CNTNAP3: variants seen among roughly 807,000 people sequenced by gnomAD.
The protein encoded by CNTNAP3 is contactin-associated protein-like 3.
CNTNAP3 carries 36 observed loss-of-function variants against 92.1 expected under a neutral mutation model. The ratio of observed to expected loss-of-function variants is 0.39; its 90% CI spans 0.30 to 0.52. The LOEUF (loss-of-function observed/expected upper bound fraction) is 0.52, where lower values mean the gene tolerates loss of function less well. CNTNAP3 is among the 20% of genes least tolerant of loss of function. CNTNAP3 has a pLI of 0.76. For missense variants in CNTNAP3, 534 were observed against 1,069.6 expected, an observed-to-expected ratio of 0.50 and a Z score of 6.98; for synonymous variants, 232 against 422.3, an observed-to-expected ratio of 0.55 and a Z score of 5.53.
chr9:39,095,204 A>C (rs893934189), intron 18 of CNTNAP3, among the ~76,000 whole-genome samples: 1 of 151,632 alleles, frequency 6.6e-6, no homozygotes, highest in Admixed American at 6.6e-5. Flanking sequence ...AACTTCGCTG[A>C]ATTTATTTAT....
In CNTNAP3 at chr9:39,087,860, T is replaced by A. The variant is rs140959206; in HGVS notation, c.3220+563A>T. On this transcript the variant is annotated intron_variant, in intron 19 of 23. Coordinates refer to ENST00000297668, the MANE Select transcript of CNTNAP3 (RefSeq NM_033655.5). ...TGTACCTAACAGACTTAAAGCTTGG[T>A]CTTCTTGTTCAACTGTAAAAACCTT... Among the ~76,000 whole-genome samples, 874 of 152,266 alleles carry A rather than the reference T, an allele frequency of 5.7e-3. 13 individuals are homozygous for A. The highest frequency in any genetic ancestry group is 0.02 in the African/African-American group (831 of 41,548).
chr9:39,141,331 G>T (rs1023625202), intron 11 of CNTNAP3, among the ~76,000 whole-genome samples: 2 of 152,110 alleles, frequency 1.3e-5, no homozygotes, highest in African/African-American at 4.8e-5. Flanking sequence ...CTATGCGGCA[G>T]TTATACCCTT....
chr9:39,087,024 T>A (rs1282587495), intron 19 of CNTNAP3, among the ~76,000 whole-genome samples, 175 bp from the exon 20 acceptor site: 1 of 152,056 alleles, frequency 6.6e-6, no homozygotes, highest in East Asian at 1.9e-4. Flanking sequence ...TTAAGTGCTA[T>A]TCCTGTGCCA....
Position 39,086,824 on chromosome 9 carries a change from T to C in CNTNAP3, c.3246A>G (p.Leu1082=). The change falls in exon 20 of 24, where the codon CTA becomes CTG. Residue 1082 remains leucine, a synonymous_variant. Coordinates refer to ENST00000297668, the MANE Select transcript of CNTNAP3 (RefSeq NM_033655.5). ...ATGCATCAGGATTTTGATGTCTATC[T>C]AGCTTGTACCTAATCTGCAAACTTC... ...NNGSLQIRYK[L]DRHQNPDAFT... 6.2e-7 allele frequency: 1 copy of C among 1,608,212 alleles called. No homozygotes were observed. The highest frequency in any genetic ancestry group is 1.1e-5 in the South Asian group (1 of 90,100).
intron 9 of CNTNAP3, chr9:39,159,101 C>G (rs1822019292): frequency 6.7e-6 from 1 of 148,688 alleles, no homozygotes; most frequent in Non-Finnish European, 1.5e-5. Context: ...TGCTGCGTAT[C>G]TGTTTCAAAT....
intron 18 of CNTNAP3, among the ~76,000 whole-genome samples, chr9:39,090,727 G>C (rs548250724): frequency 3.3e-5 from 5 of 152,370 alleles, no homozygotes; most frequent in African/African-American, 1.2e-4. Context: ...TCAATTTCAG[G>C]AAAGAAGCCA....
intron 11 of CNTNAP3, 99 bp from the exon 12 acceptor site, chr9:39,140,737 A>C (rs1331717778): frequency 1.4e-6 from 2 of 1,457,916 alleles, no homozygotes; most frequent in Non-Finnish European, 1.8e-6. Flanking sequence ...CATGTGATAC[A>C]TATGACCCAA....
At chr9:39,114,228 G>A (rs1237433417) in intron 14 of CNTNAP3, among the ~76,000 whole-genome samples, 6 of 151,510 alleles carry the variant, frequency 4.0e-5, no homozygotes, top group Admixed American at 1.3e-4. Flanking sequence ...GACTACAGGC[G>A]CCCACCACCA....
chr9:39,118,091 T>C lies in CNTNAP3; in HGVS notation c.2237+12A>G, dbSNP rs769741752. ...ACCACATTTTTGTGCAGGGAAATCATGTGGAAATCACCATTCATTCCGGCC... is the reference window on the plus strand; with the variant it reads ...ACCACATTTTTGTGCAGGGAAATCACGTGGAAATCACCATTCATTCCGGCC... On this transcript the variant is annotated intron_variant, in intron 14 of 23. Transcript: ENST00000297668. The C allele has an allele frequency of 6.3e-6, 10 of 1,599,392 alleles. No homozygotes were observed. In the Middle Eastern group the frequency reaches 6.8e-4, roughly 109 times the overall value.
rs1372814381 is a variant in CNTNAP3 at position 39,069,058 on chromosome 9, ATC to A, written c.*4830_*4831del. ...TATGTATATAACACACATGAATCAT[ATC>A]CTAAAGATTTGGAACAAGAAGTAAA... On this transcript the variant is annotated 3_prime_UTR_variant, in exon 24 of 24. Transcript: ENST00000297668. Among the ~76,000 whole-genome samples, 2 of 152,290 alleles carry A rather than the reference ATC, an allele frequency of 1.3e-5. No individual in the cohort carries two copies. The highest frequency in any genetic ancestry group is 2.9e-5 in the Non-Finnish European group (2 of 68,054).
intron 15 of CNTNAP3, among the ~76,000 whole-genome samples, chr9:39,108,687 A>G (rs968583137): frequency 2.0e-5 from 3 of 152,144 alleles, no homozygotes; most frequent in Non-Finnish European, 4.4e-5. Context: ...GGACTTGACC[A>G]TGAAAGCCAC....
intron 21 of CNTNAP3, chr9:39,084,862 T>C (rs1023398362): frequency 8.6e-5 from 13 of 151,670 alleles, no homozygotes; most frequent in African/African-American, 2.9e-4. Context: ...CTAAGATCAA[T>C]TGCTTCTGAG....
chr9:39,209,624 CCA>C (rs1822596158), intron 3 of CNTNAP3, among the ~76,000 whole-genome samples: 1 of 88,452 alleles, frequency 1.1e-5, no homozygotes, highest in Non-Finnish European at 2.3e-5. Context: ...CCTCCCTCCC[CCA>C]CTCCCCTCTC....
At position 39,071,611 on chromosome 9, in the gene CNTNAP3, T is replaced by G. The variant is rs1426377602; in HGVS notation, c.*2279A>C. Among the ~76,000 whole-genome samples, 3 of 152,102 alleles carry G rather than the reference T, an allele frequency of 2.0e-5. No individual in the cohort carries two copies. Among genetic ancestry groups the G allele is most frequent in the African/African-American group, 7.2e-5 (3 of 41,426 alleles). On this transcript the variant is annotated 3_prime_UTR_variant, in exon 24 of 24. Coordinates refer to ENST00000297668, the MANE Select transcript of CNTNAP3 (RefSeq NM_033655.5). Reference sequence around the variant, plus strand: ...AAGGGTGTTACTTGCAACTAGCATCTATGTATCTAAATAACGTTTAGTGAC... The same window carrying G: ...AAGGGTGTTACTTGCAACTAGCATCGATGTATCTAAATAACGTTTAGTGAC...
At chr9:39,119,670 C>G (rs1291580090) in intron 13 of CNTNAP3, among the ~76,000 whole-genome samples, 1 of 152,068 alleles carries the variant, frequency 6.6e-6, no homozygotes, top group African/African-American at 2.4e-5. Flanking sequence ...TGAACTTCTA[C>G]ACTGATAAAA....
intron 21 of CNTNAP3, among the ~76,000 whole-genome samples, chr9:39,082,093 A>AAAG (rs1825956968): frequency 6.8e-6 from 1 of 147,990 alleles, no homozygotes; most frequent in Admixed American, 6.7e-5. Context: ...TCTCAAAAAA[A>AAAG]AAAAACAAAG....
intron 14 of CNTNAP3, among the ~76,000 whole-genome samples, chr9:39,112,894 A>C (rs1223820296): frequency 6.6e-6 from 1 of 152,056 alleles, no homozygotes; most frequent in Non-Finnish European, 1.5e-5. Context: ...TTATCCTTTC[A>C]TCCTTAATTT....
At chr9:39,089,015 A>G (rs1217555395) in intron 18 of CNTNAP3, among the ~76,000 whole-genome samples, 1 of 152,258 alleles carries the variant, frequency 6.6e-6, no homozygotes, top group African/African-American at 2.4e-5. Flanking sequence ...ATTTTTAAAC[A>G]TCTTTATTCA....
chr9:39,116,354 G>A (rs1421419659), intron 14 of CNTNAP3, among the ~76,000 whole-genome samples: 3 of 151,758 alleles, frequency 2.0e-5, no homozygotes, highest in Admixed American at 6.6e-5. Flanking sequence ...ACAGGCAGGA[G>A]CCCCTTGTGG....
Sources: gnomAD v4.1 joint callset for allele counts (sites outside exome capture counted in the v4.1 genomes callset) on GRCh38, gnomAD v4.1.1 for gene constraint, MANE v1.5 for transcripts, NCBI Gene and HGNC (gene_info 2026-07-23, HGNC 2026-07-21) for gene names.